Variants in UBE3C observed in about 807,000 individuals in gnomAD.
The protein encoded by UBE3C is ubiquitin-protein ligase E3C.
In UBE3C, 42 loss-of-function variants were observed where a neutral mutation model predicts 129.4. The ratio of observed to expected loss-of-function variants is 0.32; its 90% CI spans 0.25 to 0.42. The LOEUF is 0.42. Among genes scored for constraint, UBE3C ranks in the 10% least tolerant of loss-of-function variants. The probability of loss-of-function intolerance (pLI) is 1.00; values close to 1 mark genes in which losing one functional copy is unlikely to be tolerated. For synonymous variants in UBE3C, 510 were observed against 492.4 expected (o/e 1.04, Z -0.47); for missense variants, 1,049 against 1,319.1 (o/e 0.80, Z 3.17).
intron 13 of UBE3C, among the ~76,000 whole-genome samples, chr7:157,208,554 A>ATTAT (rs1326624487): frequency 1.2e-4 from 18 of 152,366 alleles, no homozygotes; most frequent in African/African-American, 4.3e-4. Flanking sequence ...ACACGATGAA[A>ATTAT]TATAAATACA....
At chr7:157,199,960 G>A (rs1039120744) in intron 10 of UBE3C, among the ~76,000 whole-genome samples, 6 of 151,916 alleles carry the variant, frequency 3.9e-5, no homozygotes, top group Non-Finnish European at 5.9e-5. Flanking sequence ...TGGAGACCCC[G>A]TTTGAGATTC....
chr7:157,242,031 G>C (rs540727266), intron 18 of UBE3C, among the ~76,000 whole-genome samples: 51 of 152,328 alleles, frequency 3.3e-4, no homozygotes, highest in Non-Finnish European at 6.6e-4. Context: ...GGGATGTGGA[G>C]TTTCTTTTTA....
intron 9 of UBE3C, among the ~76,000 whole-genome samples, chr7:157,184,708 G>T (rs1808760920): frequency 6.6e-6 from 1 of 152,180 alleles, no homozygotes; most frequent in Admixed American, 6.5e-5. Context: ...GGGCTTCCAG[G>T]TGAAGTAAAT....
At chr7:157,158,919 A>G (rs916527321) in intron 1 of UBE3C, among the ~76,000 whole-genome samples, 1 of 152,278 alleles carries the variant, frequency 6.6e-6, no homozygotes, top group African/African-American at 2.4e-5. Context: ...CTCCAGCACC[A>G]GAAACTACCA....
chr7:157,219,667 C>G (rs1795684653), intron 14 of UBE3C, among the ~76,000 whole-genome samples: 1 of 152,044 alleles, frequency 6.6e-6, no homozygotes, highest in South Asian at 2.1e-4. Flanking sequence ...TTTGGGAGAC[C>G]GAAGTATGTG....
chr7:157,183,872 G>T lies in UBE3C; in HGVS notation c.992-6G>T. ...AAAATACGTTTTAACTGATTGTTTT[G>T]CAAAGGGGCCCTCTCTGAGGAAGGG... is the stretch of plus-strand genomic sequence containing the variant. On this transcript the variant is annotated splice_region_variant and splice_polypyrimidine_tract_variant and intron_variant, in intron 8 of 22. Coordinates refer to ENST00000348165, the MANE Select transcript of UBE3C (RefSeq NM_014671.3). The T allele has an allele frequency of 6.2e-7, 1 of 1,608,530 alleles. No individual in the cohort carries two copies. Among genetic ancestry groups the T allele is most frequent in the Non-Finnish European group, 8.5e-7 (1 of 1,177,352 alleles).
chr7:157,146,742 C>T (rs1807616436), intron 1 of UBE3C, among the ~76,000 whole-genome samples: 1 of 152,142 alleles, frequency 6.6e-6, no homozygotes, highest in South Asian at 2.1e-4. Flanking sequence ...GCAAACTCTG[C>T]CTTCTGGGTT....
intron 7 of UBE3C, 23 bp downstream of exon 7, chr7:157,181,694 G>T: frequency 6.2e-7 from 1 of 1,608,030 alleles, no homozygotes; most frequent in Non-Finnish European, 8.5e-7. Context: ...TGGATTTATT[G>T]ATTTTGTCCT....
intron 22 of UBE3C, 147 bp from the exon 23 acceptor site, chr7:157,267,437 CA>C (rs757561903): frequency 1.9e-4 from 189 of 1,009,298 alleles, no homozygotes; most frequent in Non-Finnish European, 2.6e-4. Flanking sequence ...AAACAAACAA[CA>C]ACAACAAAGC....
In UBE3C at chr7:157,148,686, C is replaced by T. The variant is rs141282578; in HGVS notation, c.66+9348C>T. 1.4e-3 allele frequency among the ~76,000 whole-genome samples: 218 copies of T among 151,006 alleles called. 1 individual carries two copies. The highest frequency in any genetic ancestry group is 4.9e-3 in the African/African-American group (201 of 41,032). On this transcript the variant is annotated intron_variant, in intron 1 of 22. Coordinates refer to ENST00000348165, the MANE Select transcript of UBE3C (RefSeq NM_014671.3). ...AACATAAAAACTTTTTCTTACAGAT[C>T]TGGCATCAAATAAAGTCAAAATATT...
intron 1 of UBE3C, chr7:157,140,105 CAGTT>C (rs1807396925): frequency 2.2e-6 from 2 of 909,326 alleles, no homozygotes; most frequent in African/African-American, 3.6e-5. Flanking sequence ...AGACGGGCAT[CAGTT>C]GGTTCACTGG....
chr7:157,165,520 C>T (rs2116869347), intron 2 of UBE3C, among the ~76,000 whole-genome samples: 1 of 151,988 alleles, frequency 6.6e-6, no homozygotes, highest in East Asian at 1.9e-4. Context: ...GCCTCAGCCT[C>T]CCGAGTAGCT....
Position 157,162,696 on chromosome 7 carries a change from C to T in UBE3C, c.67-1114C>T, listed in dbSNP as rs550881613. On this transcript the variant is annotated intron_variant, in intron 1 of 22. Coordinates refer to ENST00000348165, the MANE Select transcript of UBE3C (RefSeq NM_014671.3). ...CTGGGACTACGGGCACATACTGCTG[C>T]ACCCAACTATTTTTAAAAAGTTTTT... Among the ~76,000 whole-genome samples the T allele has an allele frequency of 5.3e-5, 8 of 152,030 alleles. No individual in the cohort carries two copies. The South Asian group carries it at 1.7e-3, about 32-fold the overall frequency.
chr7:157,264,731 C>T (rs1323211792), intron 22 of UBE3C, among the ~76,000 whole-genome samples: 1 of 152,134 alleles, frequency 6.6e-6, no homozygotes, highest in Non-Finnish European at 1.5e-5. Context: ...ACCACTACAG[C>T]CGGCTAATTT....
intron 19 of UBE3C, among the ~76,000 whole-genome samples, chr7:157,248,865 T>G (rs1796547680): frequency 1.3e-5 from 2 of 152,144 alleles, no homozygotes; most frequent in African/African-American, 4.8e-5. Flanking sequence ...CTTGTCTGGC[T>G]CTTCCCGGTG....
At chr7:157,266,027 A>G (rs981680225) in intron 22 of UBE3C, among the ~76,000 whole-genome samples, 1 of 152,126 alleles carries the variant, frequency 6.6e-6, no homozygotes, top group African/African-American at 2.4e-5. Flanking sequence ...TGAATAGGGG[A>G]ACTGGGGCCG....
intron 1 of UBE3C, among the ~76,000 whole-genome samples, chr7:157,160,302 T>C (rs62491942): frequency 0.099 from 15,024 of 152,244 alleles, 834 homozygotes; most frequent in African/African-American, 0.13. Context: ...CTCGAACTCC[T>C]GACCTCAGGC....
chr7:157,216,874 C>A lies in UBE3C; in HGVS notation c.1817C>A (p.Thr606Asn). 1 of 1,613,608 alleles carries A rather than the reference C, an allele frequency of 6.2e-7. No homozygotes were observed. The highest frequency in any genetic ancestry group is 8.5e-7 in the Non-Finnish European group (1 of 1,179,732). The change falls in exon 14 of 23, where the codon ACC becomes AAC. Residue 606 changes from threonine to asparagine, a missense_variant. Coordinates refer to ENST00000348165, the MANE Select transcript of UBE3C (RefSeq NM_014671.3). Reference protein sequence around the residue: ...KRWIQLFKVITNLVKMLKSRD... With the variant: ...KRWIQLFKVINNLVKMLKSRD... ...TATGTTCTTTCTTTTCAGGTTATCA[C>A]CAATCTAGTGAAAATGTTGAAGTCC... is the stretch of plus-strand genomic sequence containing the variant.
intron 13 of UBE3C, among the ~76,000 whole-genome samples, chr7:157,208,310 A>G (rs1301765725): frequency 6.6e-6 from 1 of 152,018 alleles, no homozygotes; most frequent in Non-Finnish European, 1.5e-5. Context: ...TCCTGGCCTC[A>G]TGGATTCCTC....
Sources: allele counts gnomAD v4.1 joint callset (sites outside exome capture counted in the v4.1 genomes callset), GRCh38; gene constraint gnomAD v4.1.1; transcripts MANE v1.5; gene names NCBI Gene and HGNC (gene_info 2026-07-23, HGNC 2026-07-21).